LRRTM4: variants seen among roughly 807,000 people sequenced by gnomAD.
LRRTM4 encodes the protein leucine-rich repeat transmembrane neuronal protein 4.
LRRTM4 carries 25 observed loss-of-function variants against 47.6 expected under a neutral mutation model. The observed-to-expected ratio is 0.53, with a 90% CI of 0.38 to 0.73. LRRTM4 has a LOEUF of 0.73. Ranked by LOEUF, LRRTM4 falls within the 30% of genes least tolerant of loss-of-function variation. The probability of loss-of-function intolerance (pLI) is 0.00; values close to 1 mark genes in which losing one functional copy is unlikely to be tolerated. For synonymous variants in LRRTM4, 311 were observed against 269.5 expected (o/e 1.15, Z -1.51); for missense variants, 638 against 713.4 (o/e 0.89, Z 1.20).
chr2:76,817,266 C>A (rs60473959), intron 3 of LRRTM4, among the ~76,000 whole-genome samples: 49,879 of 151,292 alleles, frequency 0.33, 8,863 homozygotes, highest in East Asian at 0.61. Context: ...TAATATATGG[C>A]AGGAAGTGAT....
intron 3 of LRRTM4, among the ~76,000 whole-genome samples, chr2:77,001,274 C>T (rs1677417034): frequency 6.6e-6 from 1 of 152,054 alleles, no homozygotes; most frequent in Non-Finnish European, 1.5e-5. Flanking sequence ...GTGCCCCAGG[C>T]TTACCTTGTG....
At chr2:77,042,948 G>T (rs965996555) in intron 3 of LRRTM4, among the ~76,000 whole-genome samples, 2 of 150,098 alleles carry the variant, frequency 1.3e-5, no homozygotes, top group Non-Finnish European at 3.0e-5. Flanking sequence ...AGTTATCAGG[G>T]TGAAGAGTTG....
intron 3 of LRRTM4, among the ~76,000 whole-genome samples, chr2:76,977,182 T>A (rs1676450570): frequency 6.6e-6 from 1 of 151,522 alleles, no homozygotes; most frequent in South Asian, 2.1e-4. Context: ...AGATTCTACA[T>A]CCCTTGCCAA....
intron 3 of LRRTM4, among the ~76,000 whole-genome samples, chr2:77,438,165 G>T (rs13005961): frequency 0.42 from 63,390 of 151,816 alleles, 13,648 homozygotes; most frequent in East Asian, 0.54. Context: ...ATAAATAAAA[G>T]TTATGTTTTT....
At chr2:76,995,890 G>T (rs1677184026) in intron 3 of LRRTM4, among the ~76,000 whole-genome samples, 1 of 151,948 alleles carries the variant, frequency 6.6e-6, no homozygotes, top group East Asian at 1.9e-4. Context: ...GGCATATCAA[G>T]GTCTAAAGCA....
At chr2:77,199,696 T>C (rs1673922176) in intron 3 of LRRTM4, among the ~76,000 whole-genome samples, 1 of 152,140 alleles carries the variant, frequency 6.6e-6, no homozygotes, top group African/African-American at 2.4e-5. Flanking sequence ...AAAAATTTTA[T>C]CATGAACATT....
chr2:76,914,157 C>T (rs867209652), intron 3 of LRRTM4, among the ~76,000 whole-genome samples: 98 of 151,752 alleles, frequency 6.5e-4, no homozygotes, highest in African/African-American at 1.1e-3. Context: ...TCATGTTTTC[C>T]GGCTTTTTAT....
chr2:76,887,086 C>G (rs550598235), intron 3 of LRRTM4, among the ~76,000 whole-genome samples: 1 of 151,298 alleles, frequency 6.6e-6, no homozygotes, highest in African/African-American at 2.4e-5. Context: ...GAGGCTAATA[C>G]GAGAATGCAC....
At chr2:77,377,997 T>C (rs947639976) in intron 3 of LRRTM4, among the ~76,000 whole-genome samples, 6 of 152,038 alleles carry the variant, frequency 3.9e-5, no homozygotes, top group African/African-American at 1.2e-4. Flanking sequence ...AAAAATACTT[T>C]GGTAATTTAG....
chr2:77,057,929 G>A (rs1349311760), intron 3 of LRRTM4, among the ~76,000 whole-genome samples: 1 of 152,142 alleles, frequency 6.6e-6, no homozygotes, highest in South Asian at 2.1e-4. Flanking sequence ...ATGCACGTAA[G>A]TGTATTTCAT....
At chr2:77,201,450 A>G (rs1004308986) in intron 3 of LRRTM4, among the ~76,000 whole-genome samples, 1 of 152,142 alleles carries the variant, frequency 6.6e-6, no homozygotes, top group Non-Finnish European at 1.5e-5. Context: ...AATTCATTGA[A>G]TTTTTGGAAA....
At chr2:76,790,013 G>T (rs918681541) in intron 3 of LRRTM4, among the ~76,000 whole-genome samples, 3 of 152,286 alleles carry the variant, frequency 2.0e-5, no homozygotes, top group African/African-American at 4.8e-5. Context: ...CAGTTCTACT[G>T]TGGGAATTGG....
At chr2:76,762,263 C>T (rs1167887487) in intron 3 of LRRTM4, among the ~76,000 whole-genome samples, 2 of 152,160 alleles carry the variant, frequency 1.3e-5, no homozygotes, top group South Asian at 2.1e-4. Context: ...TTGACATACT[C>T]CAGGGGAGTT....
chr2:76,866,372 G>T (rs371217325), intron 3 of LRRTM4, among the ~76,000 whole-genome samples: 35 of 152,194 alleles, frequency 2.3e-4, no homozygotes, highest in African/African-American at 8.2e-4. Flanking sequence ...TTTCCTCAGG[G>T]TTTTCATCAG....
intron 3 of LRRTM4, among the ~76,000 whole-genome samples, chr2:77,065,566 G>T (rs1679924322): frequency 2.6e-5 from 4 of 152,092 alleles, no homozygotes; most frequent in African/African-American, 9.7e-5. Flanking sequence ...TAACAACATA[G>T]TCTAACAGAA....
chr2:77,123,352 T>C (rs1671569404), intron 3 of LRRTM4, among the ~76,000 whole-genome samples: 1 of 152,062 alleles, frequency 6.6e-6, no homozygotes, highest in Admixed American at 6.6e-5. Flanking sequence ...TAAATAATAT[T>C]TCTTCCTCTT....
At chr2:77,360,544 TCATTCATACATA>T (rs1233653159) in intron 3 of LRRTM4, among the ~76,000 whole-genome samples, 1 of 137,386 alleles carries the variant, frequency 7.3e-6, no homozygotes, top group African/African-American at 2.8e-5. Flanking sequence ...TACAATACAA[TCATTCATACATA>T]CATACATACA....
chr2:77,259,696 A>G (rs1675866209), intron 3 of LRRTM4, among the ~76,000 whole-genome samples: 1 of 152,042 alleles, frequency 6.6e-6, no homozygotes, highest in Non-Finnish European at 1.5e-5. Flanking sequence ...AGGATGAGTG[A>G]GTGGTCTAGG....
chr2:76,962,745 A>C (rs1314885877), intron 3 of LRRTM4, among the ~76,000 whole-genome samples: 1 of 150,866 alleles, frequency 6.6e-6, no homozygotes, highest in Admixed American at 6.6e-5. Flanking sequence ...TTAGGAATTA[A>C]AGCAAGTATT....
Sources: allele counts gnomAD v4.1 joint callset (sites outside exome capture counted in the v4.1 genomes callset), GRCh38; gene constraint gnomAD v4.1.1; transcripts MANE v1.5; gene names NCBI Gene and HGNC (gene_info 2026-07-23, HGNC 2026-07-21).